ZNF16: variants seen among roughly 807,000 people sequenced by gnomAD.
ZNF16 encodes the protein zinc finger protein KOX9.
Under a neutral mutation model 9.0 loss-of-function variants are expected in ZNF16, and 7 were observed. The ratio of observed to expected loss-of-function variants is 0.78; its 90% CI spans 0.44 to 1.47. The LOEUF (loss-of-function observed/expected upper bound fraction) is 1.47, where lower values mean the gene tolerates loss of function less well. ZNF16 is among the 40% of genes most tolerant of loss of function. ZNF16 has a pLI of 0.01. For missense variants in ZNF16, 830 were observed against 854.2 expected, an observed-to-expected ratio of 0.97 and a Z score of 0.35; for synonymous variants, 312 against 301.5, an observed-to-expected ratio of 1.03 and a Z score of -0.36.
intron 1 of ZNF16, among the ~76,000 whole-genome samples, chr8:144,946,562 C>CCCTGCTGTGGGCCTGTGT (rs1833938908): frequency 3.1e-5 from 4 of 128,698 alleles, no homozygotes; most frequent in African/African-American, 1.1e-4. Context: ...GGGGCCTGTA[C>CCCTGCTGTGGGCCTGTGT]CCTGCTGTGG....
At chr8:144,946,362 G>A (rs3824109) in intron 1 of ZNF16, 147 bp from the exon 2 acceptor site, 187,101 of 727,670 alleles carry the variant, frequency 0.26, 25,752 homozygotes, top group Middle Eastern at 0.36. Context: ...GGCTGATGCT[G>A]TGTTTCCTGA....
intron 2 of ZNF16, among the ~76,000 whole-genome samples, chr8:144,938,615 C>G (rs1833736033): frequency 1.3e-5 from 2 of 152,208 alleles, no homozygotes; most frequent in South Asian, 4.1e-4. Flanking sequence ...GTTGCTGCAA[C>G]TTTGCTGGGT....
chr8:144,941,820 G>A (rs1234599487), intron 2 of ZNF16, among the ~76,000 whole-genome samples: 7 of 151,058 alleles, frequency 4.6e-5, no homozygotes, highest in African/African-American at 9.8e-5. Context: ...CATCGTGCCC[G>A]GCTAATTTTT....
At chr8:144,949,873 C>G (rs900339264) in intron 1 of ZNF16, among the ~76,000 whole-genome samples, 1 of 152,152 alleles carries the variant, frequency 6.6e-6, no homozygotes, top group East Asian at 1.9e-4. Flanking sequence ...GCCCAACGCC[C>G]GTAAAGGGTC....
rs1563925456 is a variant in ZNF16, at chr8:144,946,535, G to GCCC, written c.-9-321_-9-320insGGG. Among the ~76,000 whole-genome samples the GCCC allele has an allele frequency of 2.1e-5, 3 of 139,684 alleles. 1 individual carries two copies. The highest frequency in any genetic ancestry group is 1.4e-4 in the Admixed American group (2 of 14,246). 91.6% of individuals were successfully genotyped at this position (139,684 alleles called of 152,430 possible). On this transcript the variant is annotated intron_variant, in intron 1 of 2. Coordinates refer to ENST00000394909, the MANE Select transcript of ZNF16 (RefSeq NM_006958.3). ...CCACAGGGTCTGTGTCCTGCTGTGGGGCCTGTGTACTGCTGTGGGGCCTGT... is the reference window on the plus strand; with the variant it reads ...CCACAGGGTCTGTGTCCTGCTGTGGGCCCGCCTGTGTACTGCTGTGGGGCCTGT...
intron 2 of ZNF16, chr8:144,944,116 G>A (rs769884132): frequency 1.4e-5 from 2 of 144,066 alleles, no homozygotes; most frequent in African/African-American, 5.2e-5. Flanking sequence ...TGTCACCCAC[G>A]CTGGAGTGCA....
intron 2 of ZNF16, among the ~76,000 whole-genome samples, chr8:144,936,603 T>C (rs1833687395): frequency 6.6e-6 from 1 of 152,236 alleles, no homozygotes; most frequent in Admixed American, 6.5e-5. Context: ...GTAATCTCAT[T>C]ATGGTTTTGA....
chr8:144,943,274 G>C (rs1204326794), intron 2 of ZNF16, among the ~76,000 whole-genome samples: 1 of 152,110 alleles, frequency 6.6e-6, no homozygotes, highest in African/African-American at 2.4e-5. Context: ...CTGCTTTCAA[G>C]ATTCCTTGTA....
At position 144,932,565 on chromosome 8, in the gene ZNF16, C is replaced by T. The variant is rs773908683; in HGVS notation, c.222G>A (p.Lys74=). 6.2e-6 allele frequency: 10 copies of T among 1,613,832 alleles called. No individual in the cohort carries two copies. In the Admixed American group the frequency reaches 1.5e-4, roughly 24 times the overall value. Residue 74 remains lysine (K), a synonymous_variant, in exon 3 of 3, where the codon AAG becomes AAA. Coordinates refer to ENST00000394909, the MANE Select transcript of ZNF16 (RefSeq NM_006958.3). This position sits in a 1 kb window ranked among gnomAD's most constrained non-coding sequence, Gnocchi z 5.0. The stretch of plus-strand genomic sequence containing the variant: ...GAATGTCTTCCTTGTGAAGAAACTC[C>T]TTGTCTTCAGTCCTGGTGTCACAAT... The part of the protein sequence containing the change: ...QPDCDTRTED[K]EFLHKEDIHE...
chr8:144,950,557 C>G (rs940298514), intron 1 of ZNF16: 8 of 152,138 alleles, frequency 5.3e-5, no homozygotes, highest in Non-Finnish European at 8.8e-5. Context: ...CCGGGGTCTC[C>G]CCGGAGACCC....
At chr8:144,935,162 C>T (rs1473417890) in intron 2 of ZNF16, among the ~76,000 whole-genome samples, 1 of 151,926 alleles carries the variant, frequency 6.6e-6, no homozygotes, top group Non-Finnish European at 1.5e-5. Flanking sequence ...AGTTCCTCTA[C>T]AGAAAGGAAA....
In ZNF16 at chr8:144,932,714, G is replaced by A. The variant is rs1212679033; in HGVS notation, c.197-124C>T. The A allele has an allele frequency of 3.2e-5, 32 of 1,006,664 alleles. No individual in the cohort carries two copies. The highest frequency in any genetic ancestry group is 4.4e-5 in the Non-Finnish European group (30 of 688,488). The allele number at this position is 1,006,664 out of a possible 1,614,324, so 62.4% of individuals were successfully genotyped here. A position where few individuals can be genotyped will look rare whatever the true frequency, so the allele number is the denominator to read the frequency against. On this transcript the variant is annotated intron_variant, in intron 2 of 2. Transcript: ENST00000394909. The surrounding 1 kb of genome is among the most constrained non-coding windows in gnomAD (Gnocchi z 5.0). ...GGGGAGCAGGGGATCCTCTGGGGTG[G>A]CAGTCCAGATCAGAGGGCATCAGGG...
In ZNF16 at chr8:144,931,926, G is replaced by T; in HGVS notation, c.861C>A (p.His287Gln). Residue 287 changes from histidine (H) to glutamine (Q), a missense_variant, in exon 3 of 3, where the codon CAC becomes CAA. Physicochemically the swap from His to Gln is conservative, Grantham distance 24. Coordinates refer to ENST00000394909, the MANE Select transcript of ZNF16 (RefSeq NM_006958.3). ...HSDFSRHQSH[H>Q]SSERPYMCNE... ...TACACATATAAGGCCTCTCACTGCT[G>T]TGGTGACTCTGATGCCTAGAAAAGT... 1 of 1,613,578 alleles carries T rather than the reference G, an allele frequency of 6.2e-7. No individual in the cohort carries two copies. Among genetic ancestry groups the T allele is most frequent in the Non-Finnish European group, 8.5e-7 (1 of 1,179,550 alleles).
rs1563925463 is a variant in ZNF16 at position 144,946,536 on chromosome 8, G to GTGT, written c.-9-322_-9-321insACA. Among the ~76,000 whole-genome samples the GTGT allele has an allele frequency of 1.7e-5, 2 of 118,374 alleles. 1 individual carries two copies. Among genetic ancestry groups the GTGT allele is most frequent in the Admixed American group, 1.7e-4 (2 of 12,118 alleles). 77.7% of individuals were successfully genotyped at this position (118,374 alleles called of 152,430 possible). On this transcript the variant is annotated intron_variant, in intron 1 of 2. Coordinates refer to ENST00000394909, the MANE Select transcript of ZNF16 (RefSeq NM_006958.3). ...CACAGGGTCTGTGTCCTGCTGTGGG[G>GTGT]CCTGTGTACTGCTGTGGGGCCTGTA... is the stretch of plus-strand genomic sequence containing the variant.
intron 1 of ZNF16, among the ~76,000 whole-genome samples, chr8:144,946,573 GCCTGTGTCCT>G (rs1833939977): frequency 3.4e-5 from 5 of 145,170 alleles, no homozygotes; most frequent in African/African-American, 1.3e-4. Context: ...CCTGCTGTGG[GCCTGTGTCCT>G]GCTGTGGGTC....
intron 2 of ZNF16, among the ~76,000 whole-genome samples, chr8:144,942,199 C>T (rs1293202142): frequency 6.6e-6 from 1 of 150,686 alleles, no homozygotes; most frequent in Non-Finnish European, 1.5e-5. Flanking sequence ...GGGATGGTCT[C>T]AATCTCCTGA....
chr8:144,932,240 A>G lies in ZNF16; in HGVS notation c.547T>C (p.Tyr183His). Reference sequence around the variant, plus strand: ...TGGAAACTCTGGCCACCCATGTCATATGGATGTGGCCTCTCTTCTGTAGGG... The same window carrying G: ...TGGAAACTCTGGCCACCCATGTCATGTGGATGTGGCCTCTCTTCTGTAGGG... The part of the protein sequence containing the change: ...EIPTEERPHP[Y>H]DMGGQSFQHS... Residue 183 changes from tyrosine to histidine, a missense_variant, in exon 3 of 3, where the codon TAT becomes CAT. By Grantham distance (83) the Tyr-to-His change is moderately conservative. Coordinates refer to ENST00000394909, the MANE Select transcript of ZNF16 (RefSeq NM_006958.3). The surrounding 1 kb of genome is among the most constrained non-coding windows in gnomAD (Gnocchi z 5.0). The G allele has an allele frequency of 6.2e-7, 1 of 1,614,158 alleles. No individual in the cohort carries two copies. Among genetic ancestry groups the G allele is most frequent in the Non-Finnish European group, 8.5e-7 (1 of 1,180,034 alleles).
intron 1 of ZNF16, among the ~76,000 whole-genome samples, chr8:144,947,081 T>C (rs1287127020): frequency 1.6e-5 from 2 of 123,140 alleles, no homozygotes; most frequent in Admixed American, 8.7e-5. Context: ...TACCCTACTG[T>C]GGGCCATACC....
At chr8:144,949,446 A>G (rs1188964974) in intron 1 of ZNF16, among the ~76,000 whole-genome samples, 2 of 152,204 alleles carry the variant, frequency 1.3e-5, no homozygotes, top group African/African-American at 4.8e-5. Context: ...CTGCTGCCCC[A>G]TGTAGGGAAA....
Sources: gnomAD v4.1 joint callset for allele counts (sites outside exome capture counted in the v4.1 genomes callset) on GRCh38, gnomAD v4.1.1 for gene constraint, Gnocchi (gnomAD v3.1) non-coding constraint, MANE v1.5 for transcripts, NCBI Gene and HGNC (gene_info 2026-07-23, HGNC 2026-07-21) for gene names.